TMC1: variants seen among roughly 807,000 people sequenced by gnomAD.
TMC1 encodes transmembrane channel like 1, also known as transmembrane channel-like protein 1.
In TMC1, 84 loss-of-function variants were observed where a neutral mutation model predicts 105.8. That is an observed-to-expected ratio of 0.79 (90% CI 0.67 to 0.95). TMC1 has a LOEUF of 0.95. TMC1 is among the 40% of genes least tolerant of loss of function. The pLI is 0.00. For missense variants in TMC1, 817 were observed against 914.1 expected, an observed-to-expected ratio of 0.89 and a Z score of 1.37; for synonymous variants, 315 against 311.5, an observed-to-expected ratio of 1.01 and a Z score of -0.12.
intron 5 of TMC1, among the ~76,000 whole-genome samples, chr9:72,677,608 A>G (rs1014619999): frequency 1.3e-5 from 2 of 152,158 alleles, no homozygotes; most frequent in Non-Finnish European, 2.9e-5. Context: ...TATTTACTAA[A>G]TGACAAGAGA....
intron 2 of TMC1, among the ~76,000 whole-genome samples, chr9:72,600,027 C>T (rs908009613): frequency 1.3e-5 from 2 of 151,936 alleles, no homozygotes; most frequent in African/African-American, 4.8e-5. Flanking sequence ...TCAAGGAAGG[C>T]TTTGTGGAGG....
intron 1 of TMC1, among the ~76,000 whole-genome samples, chr9:72,555,973 C>CAAAAAAAAAAAAAAAAAA (rs59431883): frequency 4.7e-5 from 2 of 42,566 alleles, no homozygotes; most frequent in Admixed American, 4.5e-4. Flanking sequence ...ATGACTAAGG[C>CAAAAAAAAAAAAAAAAAA]AAAAAAAAAA....
chr9:72,831,882 G>A (rs1328016978), intron 23 of TMC1, among the ~76,000 whole-genome samples: 1 of 151,906 alleles, frequency 6.6e-6, no homozygotes, highest in Admixed American at 6.6e-5. Context: ...ATTGTGAATA[G>A]TGCCGCAATA....
In TMC1 at chr9:72,809,380, C is replaced by T. The variant is rs571285200; in HGVS notation, c.1695+3870C>T. Among the ~76,000 whole-genome samples, 237 of 152,318 alleles carry T rather than the reference C, an allele frequency of 1.6e-3. 1 individual carries two copies. The highest frequency in any genetic ancestry group is 5.4e-3 in the African/African-American group (223 of 41,566). On this transcript the variant is annotated intron_variant, in intron 18 of 23. Transcript: ENST00000297784. ...GTCACAGAGAAGGAATTTTCTCCCA[C>T]GTTACCTTTGGAAGGCTCAAAAAAG...
rs1303750724 is a variant in TMC1 at position 72,725,830 on chromosome 9, A to G, written c.363-14289A>G. Reference sequence around the variant, plus strand: ...CTCAGCCTCCCGAGTACCTGGGACTACAGGTGGCCGCCACCATGCCCGGCT... The same window carrying G: ...CTCAGCCTCCCGAGTACCTGGGACTGCAGGTGGCCGCCACCATGCCCGGCT... On this transcript the variant is annotated intron_variant, in intron 8 of 23. Coordinates refer to ENST00000297784, the MANE Select transcript of TMC1 (RefSeq NM_138691.3). 2.0e-5 allele frequency among the ~76,000 whole-genome samples: 3 copies of G among 152,026 alleles called. No homozygotes were observed. In the East Asian group the frequency reaches 5.8e-4, roughly 30 times the overall value.
chr9:72,808,383 G>T (rs1828638852), intron 18 of TMC1, among the ~76,000 whole-genome samples: 1 of 152,230 alleles, frequency 6.6e-6, no homozygotes, highest in Non-Finnish European at 1.5e-5. Flanking sequence ...CAGCTATTAT[G>T]TTACCTCCTT....
chr9:72,678,474 C>CT (rs1304616668), intron 5 of TMC1, among the ~76,000 whole-genome samples: 1 of 152,026 alleles, frequency 6.6e-6, no homozygotes, highest in East Asian at 1.9e-4. Context: ...ACTATGCAGA[C>CT]TTTAGCAAGT....
chr9:72,616,706 G>C (rs546087953), intron 3 of TMC1, among the ~76,000 whole-genome samples: 1 of 151,674 alleles, frequency 6.6e-6, no homozygotes, highest in East Asian at 1.9e-4. Context: ...AATATTGCAG[G>C]ACAGGGCTGT....
At chr9:72,810,479 G>T (rs1291882272) in intron 18 of TMC1, among the ~76,000 whole-genome samples, 3 of 152,054 alleles carry the variant, frequency 2.0e-5, no homozygotes, top group Middle Eastern at 3.2e-3. Context: ...AAAATCATAG[G>T]TAATCTCTGC....
chr9:72,785,876 G>A (rs1828160274), intron 13 of TMC1, among the ~76,000 whole-genome samples: 1 of 152,192 alleles, frequency 6.6e-6, no homozygotes, highest in Admixed American at 6.5e-5. Flanking sequence ...TAGTCCACAT[G>A]TTGTTTAGTA....
intron 1 of TMC1, among the ~76,000 whole-genome samples, chr9:72,556,205 C>T (rs1823938178): frequency 6.6e-6 from 1 of 151,228 alleles, no homozygotes; most frequent in Non-Finnish European, 1.5e-5. Flanking sequence ...CAACCTTCGC[C>T]TTCTGGGTTC....
At chr9:72,783,218 G>A (rs940375076) in intron 13 of TMC1, among the ~76,000 whole-genome samples, 2 of 152,014 alleles carry the variant, frequency 1.3e-5, no homozygotes, top group African/African-American at 2.4e-5. Flanking sequence ...GTGAAGTTTC[G>A]TGTTAGGCCG....
chr9:72,525,748 G>A (rs991576691), intron 1 of TMC1, among the ~76,000 whole-genome samples: 1 of 152,218 alleles, frequency 6.6e-6, no homozygotes, highest in Admixed American at 6.5e-5. Flanking sequence ...AGCACTTTGG[G>A]AGGCCCAGGC....
At chr9:72,658,802 TG>T (rs1258405688) in intron 5 of TMC1, among the ~76,000 whole-genome samples, 4 of 152,194 alleles carry the variant, frequency 2.6e-5, no homozygotes, top group African/African-American at 9.6e-5. Context: ...GGTGAACTGC[TG>T]GGGTGTTACA....
intron 5 of TMC1, among the ~76,000 whole-genome samples, chr9:72,656,380 G>A (rs373797482): frequency 6.7e-6 from 1 of 148,992 alleles, no homozygotes. Context: ...CAAGTTTGGT[G>A]CCTTTTTTTT....
At chr9:72,733,690 G>A (rs890792036) in intron 8 of TMC1, among the ~76,000 whole-genome samples, 1 of 152,100 alleles carries the variant, frequency 6.6e-6, no homozygotes, top group Non-Finnish European at 1.5e-5. Context: ...CACATTTAAT[G>A]CCTTTTCTAT....
At chr9:72,571,454 T>A (rs995510157) in intron 1 of TMC1, among the ~76,000 whole-genome samples, 27 of 150,850 alleles carry the variant, frequency 1.8e-4, no homozygotes, top group Non-Finnish European at 3.2e-4. Context: ...TTTTTTTTTT[T>A]TCTTTTTTTT....
At chr9:72,530,723 A>C (rs191995052) in intron 1 of TMC1, among the ~76,000 whole-genome samples, 1 of 151,482 alleles carries the variant, frequency 6.6e-6, no homozygotes, top group East Asian at 1.9e-4. Context: ...TTCTCTTTTT[A>C]GCTATGTCTA....
chr9:72,564,193 C>T (rs1260579311), intron 1 of TMC1, among the ~76,000 whole-genome samples: 1 of 151,952 alleles, frequency 6.6e-6, no homozygotes, highest in Non-Finnish European at 1.5e-5. Flanking sequence ...TTAAAACTTC[C>T]CCTATATTTT....
Sources: gnomAD v4.1 joint callset for allele counts (sites outside exome capture counted in the v4.1 genomes callset) on GRCh38, gnomAD v4.1.1 for gene constraint, MANE v1.5 for transcripts, NCBI Gene and HGNC (gene_info 2026-07-23, HGNC 2026-07-21) for gene names.